KYNU: variants seen among roughly 807,000 people sequenced by gnomAD.
KYNU encodes L-kynurenine hydrolase.
Under a neutral mutation model 59.2 loss-of-function variants are expected in KYNU, and 54 were observed. The observed-to-expected ratio is 0.91, with a 90% CI of 0.73 to 1.14. The LOEUF is 1.14. Among genes scored for constraint, KYNU ranks in the 50% most tolerant of loss-of-function variants. The pLI, the probability that KYNU is intolerant of heterozygous loss-of-function variation, is 0.00. For missense variants in KYNU, 567 were observed against 554.4 expected (o/e 1.02, Z -0.23); for synonymous variants, 177 against 192.0 (o/e 0.92, Z 0.65).
chr2:142,897,836 C>T (rs1053936706), intron 2 of KYNU, among the ~76,000 whole-genome samples: 3 of 152,164 alleles, frequency 2.0e-5, no homozygotes, highest in African/African-American at 7.2e-5. Flanking sequence ...AGAATATTAT[C>T]TTTACATACA....
chr2:142,999,410 TGGTCTCAATATTATTA>T (rs1420515844), intron 10 of KYNU, among the ~76,000 whole-genome samples: 1 of 152,164 alleles, frequency 6.6e-6, no homozygotes, highest in African/African-American at 2.4e-5. Flanking sequence ...TTCTTTTTGT[TGGTCTCAATATTATTA>T]AAACAACTAA....
chr2:142,924,985 C>T (rs1301671686), intron 3 of KYNU, among the ~76,000 whole-genome samples: 1 of 152,042 alleles, frequency 6.6e-6, no homozygotes, highest in African/African-American at 2.4e-5. Flanking sequence ...GAGGGAGATG[C>T]CAAAAGCATT....
At chr2:142,946,250 C>T (rs1388571534) in intron 4 of KYNU, among the ~76,000 whole-genome samples, 1 of 151,570 alleles carries the variant, frequency 6.6e-6, no homozygotes, top group East Asian at 2.0e-4. Flanking sequence ...TGCCTGGCTA[C>T]TTTTTGTATC....
Position 143,043,310 on chromosome 2 carries a change from A to T in KYNU, c.*1138A>T. On this transcript the variant is annotated 3_prime_UTR_variant, in exon 14 of 14. Transcript: ENST00000264170. ...CCCACTGTGAAAAACCTAAAGTTAC[A>T]CTTAGCCCTGTTGGACTTACCTAGT... is the stretch of plus-strand genomic sequence containing the variant. The T allele has an allele frequency of 6.6e-6, 1 of 151,946 alleles. No homozygotes were observed. Among genetic ancestry groups the T allele is most frequent in the East Asian group, 1.9e-4 (1 of 5,186 alleles). 9.4% of individuals were successfully genotyped at this position (151,946 alleles called of 1,614,324 possible).
chr2:142,956,017 C>A (rs891293915), intron 5 of KYNU, among the ~76,000 whole-genome samples, 186 bp from the exon 6 acceptor site: 6 of 152,028 alleles, frequency 3.9e-5, no homozygotes, highest in African/African-American at 7.2e-5. Context: ...GAGCCAATAT[C>A]TTCTTTCTCT....
At chr2:143,032,838 A>C (rs1686796526) in intron 11 of KYNU, among the ~76,000 whole-genome samples, 2 of 151,728 alleles carry the variant, frequency 1.3e-5, no homozygotes, top group Admixed American at 6.6e-5. Flanking sequence ...TGCCTTTGGG[A>C]GACATTACAA....
chr2:142,955,968 A>G (rs1684147988), intron 5 of KYNU, among the ~76,000 whole-genome samples: 1 of 151,984 alleles, frequency 6.6e-6, no homozygotes, highest in African/African-American at 2.4e-5. Flanking sequence ...TCACATTCAC[A>G]TTTTCCCCCG....
chr2:142,934,213 G>C (rs889772485), intron 4 of KYNU, among the ~76,000 whole-genome samples: 4 of 152,300 alleles, frequency 2.6e-5, no homozygotes, highest in Admixed American at 6.5e-5. Context: ...ATGGGATACT[G>C]CTTCTGTGAT....
chr2:142,924,641 C>G (rs963671159), intron 3 of KYNU, among the ~76,000 whole-genome samples: 5 of 152,144 alleles, frequency 3.3e-5, no homozygotes, highest in African/African-American at 1.2e-4. Flanking sequence ...GTAAATACTC[C>G]TAGTAGATGT....
At chr2:143,040,312 A>G (rs1186184412) in intron 12 of KYNU, 116 bp from the exon 13 acceptor site, 3 of 720,322 alleles carry the variant, frequency 4.2e-6, no homozygotes, top group Non-Finnish European at 7.4e-6. Context: ...GTAAAGGGAG[A>G]TATTTATTGG....
At chr2:142,999,702 A>G (rs1685655540) in intron 10 of KYNU, among the ~76,000 whole-genome samples, 1 of 152,150 alleles carries the variant, frequency 6.6e-6, no homozygotes, top group African/African-American at 2.4e-5. Context: ...TAAAAATGTA[A>G]TATCATTGAT....
intron 10 of KYNU, among the ~76,000 whole-genome samples, chr2:143,027,015 C>A (rs1686594420): frequency 6.6e-6 from 1 of 152,128 alleles, no homozygotes; most frequent in Non-Finnish European, 1.5e-5. Context: ...TAGGAAAAAG[C>A]AACATTTGAG....
At chr2:143,016,265 G>C (rs1168769246) in intron 10 of KYNU, among the ~76,000 whole-genome samples, 2 of 152,158 alleles carry the variant, frequency 1.3e-5, no homozygotes, top group Admixed American at 6.5e-5. Context: ...TCACCTCTGA[G>C]GCAAGACCTC....
intron 10 of KYNU, among the ~76,000 whole-genome samples, chr2:143,015,283 T>C (rs941801819): frequency 1.3e-4 from 20 of 152,160 alleles, no homozygotes; most frequent in Non-Finnish European, 1.2e-4. Flanking sequence ...CAGAACTCTT[T>C]TAAGATCAAA....
At chr2:142,887,174 A>G (rs1251950446) in intron 2 of KYNU, among the ~76,000 whole-genome samples, 1 of 151,458 alleles carries the variant, frequency 6.6e-6, no homozygotes, top group Non-Finnish European at 1.5e-5. Context: ...CATCTCAACA[A>G]CAACAACAAC....
At chr2:142,998,925 C>T (rs1685624177) in intron 10 of KYNU, among the ~76,000 whole-genome samples, 1 of 144,104 alleles carries the variant, frequency 6.9e-6, no homozygotes, top group South Asian at 2.2e-4. Flanking sequence ...ACAAGAATCA[C>T]TTGAACCTGG....
In KYNU at chr2:142,956,187, A is replaced by G. The variant is rs1170411459; in HGVS notation, c.436-16A>G. On this transcript the variant is annotated splice_polypyrimidine_tract_variant and intron_variant, in intron 5 of 13. Transcript: ENST00000264170. ...TTGTGTATTAATGCTTTCTCAATAA[A>G]TCCATTTTATTGCAGTTATCATTTT... 1.4e-6 allele frequency: 2 copies of G among 1,423,778 alleles called. No homozygotes were observed. The highest frequency in any genetic ancestry group is 4.6e-5 in the East Asian group (2 of 43,870). The allele number at this position is 1,423,778 out of a possible 1,614,324, so 88.2% of individuals were successfully genotyped here.
rs1264178956 is a variant in KYNU at position 143,053,465 on chromosome 2, CA to C, written c.*11294del. 5 of 152,266 alleles carry C rather than the reference CA, an allele frequency of 3.3e-5. No homozygotes were observed. The highest frequency in any genetic ancestry group is 2.1e-4 in the South Asian group (1 of 4,824). 9.4% of individuals were successfully genotyped at this position (152,266 alleles called of 1,614,324 possible). The stretch of plus-strand genomic sequence containing the variant: ...AAATGTGAGAACATTTAAGAGGGGC[CA>C]GGGGCAGAATGATATGGTTTGACTT... On this transcript the variant is annotated 3_prime_UTR_variant, in exon 14 of 14. Coordinates refer to ENST00000264170, the MANE Select transcript of KYNU (RefSeq NM_003937.3).
intron 2 of KYNU, among the ~76,000 whole-genome samples, chr2:142,897,795 T>A (rs1428067211): frequency 6.6e-6 from 1 of 152,214 alleles, no homozygotes; most frequent in African/African-American, 2.4e-5. Flanking sequence ...AGCATTCTAA[T>A]AAAACCCCTA....
Sources: allele counts gnomAD v4.1 joint callset (sites outside exome capture counted in the v4.1 genomes callset), GRCh38; gene constraint gnomAD v4.1.1; transcripts MANE v1.5; gene names NCBI Gene and HGNC (gene_info 2026-07-23, HGNC 2026-07-21).